The following SAMD14 variants were observed in gnomAD, a reference collection of about 807,000 sequenced individuals.
The protein encoded by SAMD14 is sterile alpha motif domain containing 14, also known as sterile alpha motif domain-containing protein 14.
In SAMD14, 27 loss-of-function variants were observed where a neutral mutation model predicts 46.2. The ratio of observed to expected loss-of-function variants is 0.58; its 90% CI spans 0.43 to 0.81. The LOEUF is 0.81. Ranked by LOEUF, SAMD14 falls within the 30% of genes least tolerant of loss-of-function variation. The pLI, the probability that SAMD14 is intolerant of heterozygous loss-of-function variation, is 0.00. For missense variants in SAMD14, 559 were observed against 582.2 expected (o/e 0.96, Z 0.41); for synonymous variants, 241 against 254.3 (o/e 0.95, Z 0.50).
chr17:50,129,844 C>CAG lies in SAMD14; in HGVS notation c.-342_-341dup, dbSNP rs56004942. On this transcript the variant is annotated 5_prime_UTR_variant, in exon 1 of 10. Coordinates refer to ENST00000330175, the MANE Select transcript of SAMD14 (RefSeq NM_001257359.2). The surrounding 1 kb of genome is among the most constrained non-coding windows in gnomAD (Gnocchi z 5.6). ...TGCGTGTGCGTGTGTGTGTGTGTGA[C>CAG]AGAGAGAGAGAGAGAGAGAAGAGCG... 272 of 145,634 alleles carry CAG rather than the reference C, an allele frequency of 1.9e-3. No individual in the cohort carries two copies. The highest frequency in any genetic ancestry group is 4.9e-3 in the African/African-American group (200 of 40,534). The allele number at this position is 145,634 out of a possible 1,614,324, so 9.0% of individuals were successfully genotyped here.
rs1050812660 is a variant in SAMD14, at chr17:50,111,202, T to A, written c.*1691A>T. ...GTGAGTAAAACACTGGGCAAAGCCATCTGTTCAGAACGCCGGATGGCCCAG... is the reference window on the plus strand; with the variant it reads ...GTGAGTAAAACACTGGGCAAAGCCAACTGTTCAGAACGCCGGATGGCCCAG... On this transcript the variant is annotated 3_prime_UTR_variant, in exon 10 of 10. Coordinates refer to ENST00000330175, the MANE Select transcript of SAMD14 (RefSeq NM_001257359.2). The A allele has an allele frequency of 6.6e-6, 1 of 152,270 alleles. No individual in the cohort carries two copies. Among genetic ancestry groups the A allele is most frequent in the Non-Finnish European group, 1.5e-5 (1 of 68,096 alleles). The allele number at this position is 152,270 out of a possible 1,614,324, so 9.4% of individuals were successfully genotyped here.
At position 50,112,879 on chromosome 17, in the gene SAMD14, C is replaced by T. The variant is rs373819699; in HGVS notation, c.*14G>A. 6.9e-6 allele frequency: 11 copies of T among 1,599,708 alleles called. No individual in the cohort carries two copies. In the African/African-American group the frequency reaches 9.4e-5, roughly 14 times the overall value. On this transcript the variant is annotated 3_prime_UTR_variant, in exon 10 of 10. Transcript: ENST00000330175. ...GGCTGCCCCTGCCGGGTGCCAGCGC[C>T]TGTGCACCCTCCCCTAGCTCTTCTT...
At chr17:50,125,538 C>T (rs1029378271) in intron 1 of SAMD14, among the ~76,000 whole-genome samples, 1 of 152,134 alleles carries the variant, frequency 6.6e-6, no homozygotes, top group Non-Finnish European at 1.5e-5. Flanking sequence ...TACTTGCCTA[C>T]TCATCATCCA....
chr17:50,114,560 T>A, intron 7 of SAMD14: 1 of 901,878 alleles, frequency 1.1e-6, no homozygotes, highest in Non-Finnish European at 1.6e-6. Flanking sequence ...ATGGAGGCGG[T>A]CTCAGGCAAG....
chr17:50,113,256 G>GT lies in SAMD14; in HGVS notation c.1099-209dup, dbSNP rs781344656. On this transcript the variant is annotated intron_variant, in intron 9 of 9. Coordinates refer to ENST00000330175, the MANE Select transcript of SAMD14 (RefSeq NM_001257359.2). ...ATGAGTGTGGTTGGGAAAGATGAGGGTTGGGGGTATTAGGCGCTTCCTCCT... is the reference window on the plus strand; with the variant it reads ...ATGAGTGTGGTTGGGAAAGATGAGGGTTTGGGGGTATTAGGCGCTTCCTCCT... 3 of 586,764 alleles carry GT rather than the reference G, an allele frequency of 5.1e-6. 1 individual carries two copies. 36.3% of individuals were successfully genotyped at this position (586,764 alleles called of 1,614,324 possible). A position where few individuals can be genotyped will look rare whatever the true frequency, so the allele number is the denominator to read the frequency against.
chr17:50,114,207 G>A lies in SAMD14; in HGVS notation c.922C>T (p.Leu308=). Residue 308 remains leucine, a synonymous_variant, in exon 8 of 10, where the codon CTG becomes TTG. Coordinates refer to ENST00000330175, the MANE Select transcript of SAMD14 (RefSeq NM_001257359.2). Reference sequence around the variant, plus strand: ...CTCACCTCATCTGAAGACTGAGACAGCGTGTGGTAGGGGTAAGAACATTTG... The same window carrying A: ...CTCACCTCATCTGAAGACTGAGACAACGTGTGGTAGGGGTAAGAACATTTG... ...EAKCSYPYHT[L]SQSSDEFLDE... The A allele has an allele frequency of 6.2e-7, 1 of 1,614,202 alleles. No individual in the cohort carries two copies. The highest frequency in any genetic ancestry group is 1.6e-4 in the Middle Eastern group (1 of 6,062).
intron 1 of SAMD14, among the ~76,000 whole-genome samples, chr17:50,126,869 G>A (rs1444694152): frequency 1.3e-5 from 2 of 151,726 alleles, no homozygotes; most frequent in Non-Finnish European, 2.9e-5. Context: ...GGAGGCCGAG[G>A]CGGGCAGATC....
Position 50,115,926 on chromosome 17 carries a change from TG to T in SAMD14, c.588-23del. The T allele has an allele frequency of 6.2e-7, 1 of 1,612,830 alleles. No homozygotes were observed. The highest frequency in any genetic ancestry group is 8.5e-7 in the Non-Finnish European group (1 of 1,179,476). On this transcript the variant is annotated intron_variant, in intron 5 of 9. Coordinates refer to ENST00000330175, the MANE Select transcript of SAMD14 (RefSeq NM_001257359.2). The surrounding 1 kb of genome is among the most constrained non-coding windows in gnomAD (Gnocchi z 5.3). ...GACCCTGTGGGGAGGCAGCAGGAAG[TG>T]GGGCAGGGCTGCCCACTGTGCTACC...
At chr17:50,113,241 T>C (rs146706787) in intron 9 of SAMD14, 193 bp from the exon 10 acceptor site, 10 of 620,084 alleles carry the variant, frequency 1.6e-5, no homozygotes, top group Non-Finnish European at 2.5e-5. Flanking sequence ...ATGAGTGTGG[T>C]TGGGAAAGAT....
At position 50,130,054 on chromosome 17, in the gene SAMD14, G is replaced by A. The variant is rs1911964132; in HGVS notation, c.-550C>T. ...AAGCCGGGCGCCCAGGAGACAAAGA[G>A]CGGGAGGGAGCGAGGGGGCGGGGGC... On this transcript the variant is annotated 5_prime_UTR_variant, in exon 1 of 10. Coordinates refer to ENST00000330175, the MANE Select transcript of SAMD14 (RefSeq NM_001257359.2). The surrounding 1 kb of genome is among the most constrained non-coding windows in gnomAD (Gnocchi z 4.1). Among the ~76,000 whole-genome samples the A allele has an allele frequency of 6.6e-6, 1 of 151,336 alleles. No homozygotes were observed. Among genetic ancestry groups the A allele is most frequent in the African/African-American group, 2.4e-5 (1 of 41,262 alleles).
In SAMD14 at chr17:50,115,531, G is replaced by A; in HGVS notation, c.822+33C>T. On this transcript the variant is annotated intron_variant, in intron 7 of 9. Transcript: ENST00000330175. This position sits in a 1 kb window ranked among gnomAD's most constrained non-coding sequence, Gnocchi z 5.3. Reference sequence around the variant, plus strand: ...GCCCTCATGTCACCTGAGACTGGGGGCCAGTTTGGGGACAAGAAAGGCATG... The same window carrying A: ...GCCCTCATGTCACCTGAGACTGGGGACCAGTTTGGGGACAAGAAAGGCATG... The A allele has an allele frequency of 6.6e-6, 10 of 1,510,284 alleles. No individual in the cohort carries two copies. The highest frequency in any genetic ancestry group is 2.7e-5 in the South Asian group (2 of 74,436). 93.6% of individuals were successfully genotyped at this position (1,510,284 alleles called of 1,614,324 possible). A position where few individuals can be genotyped will look rare whatever the true frequency, so the allele number is the denominator to read the frequency against.
chr17:50,124,775 A>ACACG (rs1598234723), intron 2 of SAMD14, 142 bp downstream of exon 2: 1 of 354,168 alleles, frequency 2.8e-6, no homozygotes, highest in East Asian at 4.2e-5. Context: ...GCGCGCGCAC[A>ACACG]CACACACACA....
At chr17:50,113,533 C>T in intron 9 of SAMD14, 1 of 286,448 alleles carries the variant, frequency 3.5e-6, no homozygotes. Flanking sequence ...TACAGCCTCC[C>T]CCTGCCCACT....
chr17:50,124,880 T>G, intron 2 of SAMD14, 37 bp downstream of exon 2: 1 of 1,609,666 alleles, frequency 6.2e-7, no homozygotes, highest in Non-Finnish European at 8.5e-7. Flanking sequence ...TCTATGGCTG[T>G]GTCTATTGGC....
In SAMD14 at chr17:50,128,058, G is replaced by A. The variant is rs4533329; in HGVS notation, c.-13+1459C>T. On this transcript the variant is annotated intron_variant, in intron 1 of 9. Coordinates refer to ENST00000330175, the MANE Select transcript of SAMD14 (RefSeq NM_001257359.2). ...GAAGAAAGGGTCCACGTATTCTTCCGTCAGACTAGGGACTGTGAAGACAGG... is the reference window on the plus strand; with the variant it reads ...GAAGAAAGGGTCCACGTATTCTTCCATCAGACTAGGGACTGTGAAGACAGG... Among the ~76,000 whole-genome samples the A allele has an allele frequency of 5.0e-3, 757 of 152,274 alleles. 4 individuals are homozygous for A. Among genetic ancestry groups the A allele is most frequent in the African/African-American group, 0.016 (663 of 41,540 alleles).
Position 50,110,253 on chromosome 17 carries a change from A to G in SAMD14, c.*2640T>C. 1.3e-6 allele frequency: 1 copy of G among 760,218 alleles called. No homozygotes were observed. The highest frequency in any genetic ancestry group is 2.5e-5 in the South Asian group (1 of 40,700). 47.1% of individuals were successfully genotyped at this position (760,218 alleles called of 1,614,324 possible). ...AAGTCACTGCGGTGATAGGTCTGTG[A>G]TGGTCCCTAAGTGCCAGTCCATCTC... is the stretch of plus-strand genomic sequence containing the variant. On this transcript the variant is annotated 3_prime_UTR_variant, in exon 10 of 10. Coordinates refer to ENST00000330175, the MANE Select transcript of SAMD14 (RefSeq NM_001257359.2).
chr17:50,128,878 C>G (rs1200390343), intron 1 of SAMD14, among the ~76,000 whole-genome samples: 1 of 151,904 alleles, frequency 6.6e-6, no homozygotes, highest in African/African-American at 2.4e-5. Context: ...CTCTAAGTGA[C>G]GCCCGAGGGT....
intron 2 of SAMD14, among the ~76,000 whole-genome samples, chr17:50,122,687 A>T (rs1288001141): frequency 6.6e-6 from 1 of 151,878 alleles, no homozygotes; most frequent in Admixed American, 6.6e-5. Context: ...AAAGACGGGG[A>T]GACTGGGAGG....
chr17:50,123,470 G>C (rs847685), intron 2 of SAMD14: 27,215 of 152,364 alleles, frequency 0.18, 3,036 homozygotes, highest in East Asian at 0.32. Context: ...CTCAAAACAG[G>C]GAGAGGGGTC....
Sources: allele counts gnomAD v4.1 joint callset (sites outside exome capture counted in the v4.1 genomes callset), GRCh38; gene constraint gnomAD v4.1.1; non-coding constraint Gnocchi (gnomAD v3.1); transcripts MANE v1.5; gene names NCBI Gene and HGNC (gene_info 2026-07-23, HGNC 2026-07-21).